PIEZO2: variants seen among roughly 807,000 people sequenced by gnomAD.
PIEZO2 encodes the protein piezo-type mechanosensitive ion channel component 2.
In PIEZO2, 172 loss-of-function variants were observed where a neutral mutation model predicts 337.3. The ratio of observed to expected loss-of-function variants is 0.51; its 90% CI spans 0.45 to 0.58. The LOEUF is 0.58. Among genes scored for constraint, PIEZO2 ranks in the 20% least tolerant of loss-of-function variants. The pLI is 0.00. For missense variants in PIEZO2, 3,028 were observed against 3,391.3 expected (o/e 0.89, Z 2.66); for synonymous variants, 1,251 against 1,228.5 (o/e 1.02, Z -0.38).
At chr18:10,866,253 C>T (rs1469156315) in intron 5 of PIEZO2, among the ~76,000 whole-genome samples, 1 of 151,066 alleles carries the variant, frequency 6.6e-6, no homozygotes, top group Non-Finnish European at 1.5e-5. Context: ...GCAATGTCCA[C>T]TCAATGAACA....
chr18:10,878,926 G>A lies in PIEZO2; in HGVS notation c.330-7511C>T, dbSNP rs1336698311. On this transcript the variant is annotated intron_variant, in intron 4 of 55. Coordinates refer to ENST00000674853, the MANE Select transcript of PIEZO2 (RefSeq NM_001378183.1). The surrounding 1 kb of genome is among the most constrained non-coding windows in gnomAD (Gnocchi z 4.3). ...GTGGTGTTTTCACAATGAGTGTCAG[G>A]TGTGGTTAGGACTTTCAGGTGCAGA... Among the ~76,000 whole-genome samples the A allele has an allele frequency of 6.6e-6, 1 of 152,194 alleles. No individual in the cohort carries two copies. The highest frequency in any genetic ancestry group is 1.5e-5 in the Non-Finnish European group (1 of 68,040).
intron 1 of PIEZO2, among the ~76,000 whole-genome samples, chr18:11,124,739 G>C (rs1221206608): frequency 6.6e-6 from 1 of 152,088 alleles, no homozygotes; most frequent in Non-Finnish European, 1.5e-5. Flanking sequence ...GTAGAGTCAA[G>C]AAAAACCCAG....
chr18:10,807,491 T>C (rs931127459), intron 7 of PIEZO2, among the ~76,000 whole-genome samples: 5 of 152,244 alleles, frequency 3.3e-5, no homozygotes, highest in African/African-American at 7.2e-5. Flanking sequence ...ATACATTCAG[T>C]AATCATATGT....
chr18:11,121,737 T>G (rs1440902859), intron 1 of PIEZO2, among the ~76,000 whole-genome samples: 1 of 152,114 alleles, frequency 6.6e-6, no homozygotes, highest in Non-Finnish European at 1.5e-5. Context: ...TGATAGCAAA[T>G]GTGGTTAAGC....
At chr18:11,010,903 T>C (rs1425401470) in intron 2 of PIEZO2, among the ~76,000 whole-genome samples, 4 of 152,250 alleles carry the variant, frequency 2.6e-5, no homozygotes, top group African/African-American at 4.8e-5. Context: ...CTTAACTTTC[T>C]AATGAATCTA....
At position 10,954,264 on chromosome 18, in the gene PIEZO2, TAGAG is replaced by T. The variant is rs960380103; in HGVS notation, c.286+25267_286+25270del. 6.6e-6 allele frequency among the ~76,000 whole-genome samples: 1 copy of T among 152,200 alleles called. No homozygotes were observed. Among genetic ancestry groups the T allele is most frequent in the Non-Finnish European group, 1.5e-5 (1 of 68,016 alleles). ...ATTGTGTTGAACCTATAGATCAGTT[TAGAG>T]AGAAAGGACATTTTAACAACAGTGA... is the stretch of plus-strand genomic sequence containing the variant. On this transcript the variant is annotated intron_variant, in intron 3 of 55. Coordinates refer to ENST00000674853, the MANE Select transcript of PIEZO2 (RefSeq NM_001378183.1). The surrounding 1 kb of genome is among the most constrained non-coding windows in gnomAD (Gnocchi z 4.2).
At position 10,855,087 on chromosome 18, in the gene PIEZO2, G is replaced by C. The variant is rs1300814472; in HGVS notation, c.917+266C>G. Among the ~76,000 whole-genome samples, 1 of 152,108 alleles carries C rather than the reference G, an allele frequency of 6.6e-6. No individual in the cohort carries two copies. The highest frequency in any genetic ancestry group is 2.4e-5 in the African/African-American group (1 of 41,410). ...GATCTTCTTCCCCAGCTGAGACTCT[G>C]TGTCTTATTCCTACACATGACAGCT... On this transcript the variant is annotated intron_variant, in intron 7 of 55. Transcript: ENST00000674853. The surrounding 1 kb of genome is among the most constrained non-coding windows in gnomAD (Gnocchi z 4.9).
At chr18:10,718,765 A>G (rs2036119176) in intron 36 of PIEZO2, among the ~76,000 whole-genome samples, 1 of 152,064 alleles carries the variant, frequency 6.6e-6, no homozygotes, top group Non-Finnish European at 1.5e-5. Context: ...TAGTCCCAGC[A>G]CTTTGGGAGG....
intron 7 of PIEZO2, among the ~76,000 whole-genome samples, chr18:10,835,891 G>T (rs1297345204): frequency 6.6e-6 from 1 of 152,220 alleles, no homozygotes; most frequent in African/African-American, 2.4e-5. Flanking sequence ...CTGACTCACA[G>T]TACTTTTGCA....
At chr18:11,135,676 T>C (rs867020042) in intron 1 of PIEZO2, among the ~76,000 whole-genome samples, 67 of 152,180 alleles carry the variant, frequency 4.4e-4, no homozygotes, top group Middle Eastern at 3.4e-3. Context: ...GTCTACAGAG[T>C]TGCTGGGACT....
intron 2 of PIEZO2, among the ~76,000 whole-genome samples, chr18:10,994,550 CAG>C (rs1400674891): frequency 2.0e-5 from 3 of 151,658 alleles, no homozygotes; most frequent in Non-Finnish European, 4.4e-5. Context: ...GCTGGGCTTA[CAG>C]GTGCATGCCA....
chr18:11,060,969 A>G (rs2037931479), intron 2 of PIEZO2, among the ~76,000 whole-genome samples: 1 of 152,330 alleles, frequency 6.6e-6, no homozygotes, highest in African/African-American at 2.4e-5. Flanking sequence ...AGAATTTTAG[A>G]CCAATATCCC....
chr18:10,957,128 G>A (rs1208529286), intron 3 of PIEZO2, among the ~76,000 whole-genome samples: 2 of 152,168 alleles, frequency 1.3e-5, no homozygotes, highest in Non-Finnish European at 2.9e-5. Context: ...GCCAGGTGCA[G>A]TGGCTCACGC....
intron 2 of PIEZO2, among the ~76,000 whole-genome samples, chr18:11,039,090 A>C (rs1174680634): frequency 1.3e-5 from 2 of 152,236 alleles, no homozygotes; most frequent in Non-Finnish European, 2.9e-5. Context: ...ATAAAACAAA[A>C]GGGAACAGAA....
chr18:10,689,587 T>C, intron 49 of PIEZO2, 68 bp downstream of exon 49: 1 of 1,603,922 alleles, frequency 6.2e-7, no homozygotes, highest in Non-Finnish European at 8.5e-7. Flanking sequence ...GAAGTTCACA[T>C]TCATCTTATA....
Position 10,993,544 on chromosome 18 carries a change from T to G in PIEZO2, c.161-13884A>C, listed in dbSNP as rs543014198. On this transcript the variant is annotated intron_variant, in intron 2 of 55. Coordinates refer to ENST00000674853, the MANE Select transcript of PIEZO2 (RefSeq NM_001378183.1). The surrounding 1 kb of genome is among the most constrained non-coding windows in gnomAD (Gnocchi z 5.0). ...GTTGTTGTTGTTGTTGTTGTTGTTT[T>G]GAGGCGGAGTCTCGCTCTGTGGCCC... Among the ~76,000 whole-genome samples the G allele has an allele frequency of 2.0e-4, 30 of 152,292 alleles. No homozygotes were observed. The highest frequency in any genetic ancestry group is 7.2e-4 in the African/African-American group (30 of 41,544).
chr18:10,896,869 T>C (rs1005279200), intron 4 of PIEZO2, among the ~76,000 whole-genome samples: 1 of 152,086 alleles, frequency 6.6e-6, no homozygotes, highest in Non-Finnish European at 1.5e-5. Context: ...CCAAAAAGAG[T>C]TGGGGGTGAG....
rs80130388 is a variant in PIEZO2 at position 11,010,760 on chromosome 18, C to T, written c.161-31100G>A. On this transcript the variant is annotated intron_variant, in intron 2 of 55. Coordinates refer to ENST00000674853, the MANE Select transcript of PIEZO2 (RefSeq NM_001378183.1). ...GAGTATATCAAGCCATTACTTTGCC[C>T]TTCATGGCAACTTCCATGAGGACGA... Among the ~76,000 whole-genome samples, 6 of 152,264 alleles carry T rather than the reference C, an allele frequency of 3.9e-5. No individual in the cohort carries two copies. In the East Asian group the frequency reaches 1.2e-3, roughly 29 times the overall value.
At position 10,837,142 on chromosome 18, in the gene PIEZO2, C is replaced by T. The variant is rs2041040453; in HGVS notation, c.917+18211G>A. The stretch of plus-strand genomic sequence containing the variant: ...TCACAACTCTTTCCATGCCAAGAAG[C>T]ATGTGAGGAGGAGGGGATGGTGTGC... On this transcript the variant is annotated intron_variant, in intron 7 of 55. Transcript: ENST00000674853. This position sits in a 1 kb window ranked among gnomAD's most constrained non-coding sequence, Gnocchi z 4.4. Among the ~76,000 whole-genome samples the T allele has an allele frequency of 6.6e-6, 1 of 152,298 alleles. No homozygotes were observed. Among genetic ancestry groups the T allele is most frequent in the South Asian group, 2.1e-4 (1 of 4,826 alleles).
Sources: allele counts gnomAD v4.1 joint callset (sites outside exome capture counted in the v4.1 genomes callset), GRCh38; gene constraint gnomAD v4.1.1; non-coding constraint Gnocchi (gnomAD v3.1); transcripts MANE v1.5; gene names NCBI Gene and HGNC (gene_info 2026-07-23, HGNC 2026-07-21).